The following FOXP4 variants were observed in gnomAD, a reference collection of about 807,000 sequenced individuals.
FOXP4 encodes the protein forkhead box P4, also known as forkhead box protein P4.
In FOXP4, 25 loss-of-function variants were observed where a neutral mutation model predicts 82.6. The observed-to-expected ratio is 0.30, with a 90% CI of 0.22 to 0.42. The LOEUF (loss-of-function observed/expected upper bound fraction) is 0.42. Ranked by LOEUF, FOXP4 falls within the 10% of genes least tolerant of loss-of-function variation. The pLI, the probability that FOXP4 is intolerant of heterozygous loss-of-function variation, is 1.00. For missense variants in FOXP4, 785 were observed against 900.9 expected, an observed-to-expected ratio of 0.87 and a Z score of 1.65; for synonymous variants, 415 against 388.2, an observed-to-expected ratio of 1.07 and a Z score of -0.81.
intron 1 of FOXP4, among the ~76,000 whole-genome samples, chr6:41,560,829 G>A (rs897376137): frequency 6.6e-6 from 1 of 152,238 alleles, no homozygotes; most frequent in Non-Finnish European, 1.5e-5. Context: ...AAAAAGCGAC[G>A]GTAATTAATA....
chr6:41,559,719 A>T (rs1018964336), intron 1 of FOXP4, among the ~76,000 whole-genome samples: 1 of 152,136 alleles, frequency 6.6e-6, no homozygotes, highest in Non-Finnish European at 1.5e-5. Context: ...GCTTTTGCAG[A>T]TATATCATCT....
In FOXP4 at chr6:41,566,609, C is replaced by T. The variant is rs930341079; in HGVS notation, c.204+645C>T. 2.6e-5 allele frequency among the ~76,000 whole-genome samples: 4 copies of T among 152,318 alleles called. No individual in the cohort carries two copies. In the East Asian group the frequency reaches 7.7e-4, roughly 29 times the overall value. ...CAACCTCTCTGAGGATCTAGAGGCACTAGGATGGGTCTAGATCTGGTTGGG... is the reference window on the plus strand; with the variant it reads ...CAACCTCTCTGAGGATCTAGAGGCATTAGGATGGGTCTAGATCTGGTTGGG... On this transcript the variant is annotated intron_variant, in intron 2 of 16. Transcript: ENST00000307972.
At chr6:41,590,815 C>A (rs1482831810) in intron 12 of FOXP4, among the ~76,000 whole-genome samples, 1 of 152,224 alleles carries the variant, frequency 6.6e-6, no homozygotes, top group African/African-American at 2.4e-5. Flanking sequence ...GTCACACACA[C>A]ACTGTGCTTA....
In FOXP4 at chr6:41,546,747, G is replaced by A. The variant is rs1763642595; in HGVS notation, c.-137G>A. 2.0e-5 allele frequency: 3 copies of A among 146,836 alleles called. No homozygotes were observed. In the South Asian group the frequency reaches 6.2e-4, roughly 30 times the overall value. The allele number at this position is 146,836 out of a possible 1,614,324, so 9.1% of individuals were successfully genotyped here. On this transcript the variant is annotated 5_prime_UTR_variant, in exon 1 of 17. Transcript: ENST00000307972. ...AGGACGCCCGGGAGCTGCGCGACGC[G>A]GGGCGGCGCGGAAGGGCAGCCCCGG...
chr6:41,594,823 C>A, intron 13 of FOXP4, 47 bp from the exon 14 acceptor site: 1 of 1,609,916 alleles, frequency 6.2e-7, no homozygotes, highest in South Asian at 1.1e-5. Context: ...CATGTTTGTG[C>A]TTGGCCAAGC....
At chr6:41,551,042 C>T (rs1324416060) in intron 1 of FOXP4, among the ~76,000 whole-genome samples, 1 of 152,216 alleles carries the variant, frequency 6.6e-6, no homozygotes, top group Non-Finnish European at 1.5e-5. Flanking sequence ...TCCCAGGATT[C>T]TCTGTGGAAA....
chr6:41,566,807 G>T (rs578234769), intron 2 of FOXP4, among the ~76,000 whole-genome samples: 1 of 152,280 alleles, frequency 6.6e-6, no homozygotes, highest in South Asian at 2.1e-4. Flanking sequence ...CTTGAGTGGG[G>T]CAGGGGGCGG....
At chr6:41,568,106 AG>A (rs1764985355) in intron 2 of FOXP4, among the ~76,000 whole-genome samples, 1 of 152,226 alleles carries the variant, frequency 6.6e-6, no homozygotes, top group Non-Finnish European at 1.5e-5. Flanking sequence ...GGGAGCTTCA[AG>A]GGTAACATTT....
intron 1 of FOXP4, among the ~76,000 whole-genome samples, chr6:41,554,193 G>A (rs1000857875): frequency 2.6e-5 from 4 of 152,324 alleles, no homozygotes; most frequent in Non-Finnish European, 5.9e-5. Context: ...GACTTGCCCC[G>A]AGTCACAGTT....
chr6:41,564,935 G>A (rs9462722), intron 1 of FOXP4, among the ~76,000 whole-genome samples: 1,601 of 152,270 alleles, frequency 0.011, 23 homozygotes, highest in African/African-American at 0.036. Flanking sequence ...TGTGGCCTGG[G>A]GAAGGTCATT....
intron 3 of FOXP4, among the ~76,000 whole-genome samples, chr6:41,579,790 T>A (rs1765694675): frequency 6.6e-6 from 1 of 152,164 alleles, no homozygotes; most frequent in Non-Finnish European, 1.5e-5. Flanking sequence ...ATTCATTCAT[T>A]CATTCAACAA....
chr6:41,584,372 A>G (rs1020710111), intron 3 of FOXP4, among the ~76,000 whole-genome samples: 2 of 152,210 alleles, frequency 1.3e-5, no homozygotes, highest in Non-Finnish European at 2.9e-5. Context: ...GTCCCTCCCC[A>G]TTACTGGGGG....
At chr6:41,565,088 C>T (rs1764797279) in intron 1 of FOXP4, among the ~76,000 whole-genome samples, 1 of 152,174 alleles carries the variant, frequency 6.6e-6, no homozygotes, top group South Asian at 2.1e-4. Flanking sequence ...CACTGTGGCT[C>T]ATGCCTATAA....
chr6:41,599,006 A>G lies in FOXP4; in HGVS notation c.*70A>G, dbSNP rs1458457405. On this transcript the variant is annotated 3_prime_UTR_variant, in exon 17 of 17. Coordinates refer to ENST00000307972, the MANE Select transcript of FOXP4 (RefSeq NM_001012426.2). ...CAGAATCCAGGCCCCATCTCCCCCA[A>G]CTCCACAGCCCCTCCCGAGCCTCAA... The G allele has an allele frequency of 6.2e-6, 9 of 1,456,926 alleles. No homozygotes were observed. The highest frequency in any genetic ancestry group is 8.2e-6 in the Non-Finnish European group (9 of 1,103,048). 90.2% of individuals were successfully genotyped at this position (1,456,926 alleles called of 1,614,324 possible). A position where few individuals can be genotyped will look rare whatever the true frequency, so the allele number is the denominator to read the frequency against.
chr6:41,556,546 G>C (rs7757876), intron 1 of FOXP4, among the ~76,000 whole-genome samples: 2 of 152,164 alleles, frequency 1.3e-5, no homozygotes, highest in East Asian at 3.9e-4. Flanking sequence ...GGATGGTCTC[G>C]ATCTCCTGAC....
intron 1 of FOXP4, among the ~76,000 whole-genome samples, chr6:41,560,833 A>G (rs1259293859): frequency 6.6e-6 from 1 of 152,248 alleles, no homozygotes; most frequent in Non-Finnish European, 1.5e-5. Context: ...AGCGACGGTA[A>G]TTAATACTCG....
At chr6:41,576,960 T>C (rs115638322) in intron 2 of FOXP4, among the ~76,000 whole-genome samples, 177 of 152,216 alleles carry the variant, frequency 1.2e-3, no homozygotes, top group African/African-American at 4.0e-3. Flanking sequence ...ATTCAGAACT[T>C]GCCTTCAAAC....
At chr6:41,592,836 CCT>C (rs1171725785) in intron 13 of FOXP4, among the ~76,000 whole-genome samples, 4 of 152,138 alleles carry the variant, frequency 2.6e-5, no homozygotes, top group African/African-American at 9.7e-5. Context: ...AAGCCACCCC[CCT>C]GATATTCTAA....
chr6:41,573,732 T>C (rs1765325273), intron 2 of FOXP4, among the ~76,000 whole-genome samples: 1 of 152,152 alleles, frequency 6.6e-6, no homozygotes. Flanking sequence ...ATGAAGAAAG[T>C]ATGGGGTTGT....
Sources: allele counts gnomAD v4.1 joint callset (sites outside exome capture counted in the v4.1 genomes callset), GRCh38; gene constraint gnomAD v4.1.1; transcripts MANE v1.5; gene names NCBI Gene and HGNC (gene_info 2026-07-23, HGNC 2026-07-21).